The following GAS2 variants were observed in gnomAD, a reference collection of about 807,000 sequenced individuals.
GAS2 encodes growth arrest specific 2, also known as growth arrest-specific protein 2.
A neutral mutation model predicts 37.5 loss-of-function variants in GAS2; 20 were observed. That is an observed-to-expected ratio of 0.53 (90% CI 0.37 to 0.77). The LOEUF is 0.77. Ranked by LOEUF, GAS2 falls within the 30% of genes least tolerant of loss-of-function variation. GAS2 has a pLI of 0.00. For synonymous variants in GAS2, 144 were observed against 132.2 expected, an observed-to-expected ratio of 1.09 and a Z score of -0.61; for missense variants, 336 against 373.4, an observed-to-expected ratio of 0.90 and a Z score of 0.82.
At chr11:22,811,746 G>A in intron 7 of GAS2, 52 bp from the exon 8 acceptor site, 1 of 1,527,596 alleles carries the variant, frequency 6.5e-7, no homozygotes, top group Non-Finnish European at 9.1e-7. Context: ...GTTGATTCAA[G>A]GTACTGTAAG....
intron 7 of GAS2, among the ~76,000 whole-genome samples, chr11:22,760,891 C>T (rs1180266249): frequency 5.3e-5 from 8 of 152,132 alleles, no homozygotes; most frequent in African/African-American, 1.9e-4. Context: ...TGAAAGTTGT[C>T]AGGTTAATTA....
chr11:22,712,426 G>T (rs958776532), intron 3 of GAS2, among the ~76,000 whole-genome samples: 1 of 152,222 alleles, frequency 6.6e-6, no homozygotes, highest in East Asian at 1.9e-4. Flanking sequence ...TGCCCCACTG[G>T]GTGGCTAGAT....
chr11:22,752,670 G>A (rs1287504316), intron 6 of GAS2, among the ~76,000 whole-genome samples: 1 of 151,286 alleles, frequency 6.6e-6, no homozygotes, highest in Non-Finnish European at 1.5e-5. Context: ...AAAAGAGAAA[G>A]AGGAGGAGTA....
At position 22,749,143 on chromosome 11, in the gene GAS2, T is replaced by G; in HGVS notation, c.497T>G (p.Leu166Trp). Residue 166 changes from leucine (L) to tryptophan (W), a missense_variant, in exon 6 of 8, where the codon TTG (leucine) becomes TGG (tryptophan). Leu to Trp is a moderately conservative substitution (Grantham distance 61). Coordinates refer to ENST00000454584, the MANE Select transcript of GAS2 (RefSeq NM_001143830.3). ...AARYGVEPPG[L>W]IKLEKEIEQE... ...AGGTATGGTGTGGAGCCTCCTGGTT[T>G]GATAAAGCTGGAAAAAGAGATTGAA... is the stretch of plus-strand genomic sequence containing the variant. The G allele has an allele frequency of 6.2e-7, 1 of 1,612,494 alleles. No individual in the cohort carries two copies. The highest frequency in any genetic ancestry group is 2.2e-5 in the East Asian group (1 of 44,786).
chr11:22,748,256 C>G (rs903992662), intron 5 of GAS2, among the ~76,000 whole-genome samples: 2 of 152,016 alleles, frequency 1.3e-5, no homozygotes, highest in African/African-American at 2.4e-5. Context: ...TTCTCTAGAT[C>G]TCTATTATCT....
intron 3 of GAS2, among the ~76,000 whole-genome samples, chr11:22,717,498 T>C (rs1477238675): frequency 2.0e-5 from 3 of 150,952 alleles, no homozygotes; most frequent in African/African-American, 7.3e-5. Flanking sequence ...AAATCAACTC[T>C]AAGACGACCT....
At chr11:22,630,542 A>C (rs1463434822) in intron 1 of GAS2, among the ~76,000 whole-genome samples, 2 of 152,212 alleles carry the variant, frequency 1.3e-5, no homozygotes, top group East Asian at 3.8e-4. Flanking sequence ...AAATTTTTGC[A>C]GTCTACTCAT....
At chr11:22,806,715 G>T (rs951355141) in intron 7 of GAS2, among the ~76,000 whole-genome samples, 1 of 152,150 alleles carries the variant, frequency 6.6e-6, no homozygotes, top group Non-Finnish European at 1.5e-5. Flanking sequence ...AATTAGCAAG[G>T]TCTAACTGAG....
intron 1 of GAS2, among the ~76,000 whole-genome samples, chr11:22,641,003 C>G (rs1295432160): frequency 6.6e-6 from 1 of 151,560 alleles, no homozygotes; most frequent in Non-Finnish European, 1.5e-5. Flanking sequence ...CTGTTTCTTC[C>G]ATTTTTCCCC....
At chr11:22,710,232 T>C (rs1851337325) in intron 3 of GAS2, among the ~76,000 whole-genome samples, 1 of 152,134 alleles carries the variant, frequency 6.6e-6, no homozygotes, top group African/African-American at 2.4e-5. Context: ...TAAAATTGTT[T>C]AGTAATCTGT....
Position 22,644,731 on chromosome 11 carries a change from C to T in GAS2, c.-21+18918C>T, listed in dbSNP as rs972639761. 3.1e-4 allele frequency among the ~76,000 whole-genome samples: 47 copies of T among 152,162 alleles called. 1 individual carries two copies. The highest frequency in any genetic ancestry group is 2.1e-3 in the Admixed American group (32 of 15,272). On this transcript the variant is annotated intron_variant, in intron 1 of 5. Transcript: ENST00000528582. ...CCACCTCCCGGGTTCAAATGATTCTCATGCTTCATCCTGCCAAGTATCTGG... is the reference window on the plus strand; with the variant it reads ...CCACCTCCCGGGTTCAAATGATTCTTATGCTTCATCCTGCCAAGTATCTGG...
chr11:22,690,648 A>G (rs1426730513), intron 3 of GAS2, among the ~76,000 whole-genome samples: 1 of 152,196 alleles, frequency 6.6e-6, no homozygotes, highest in African/African-American at 2.4e-5. Context: ...TAAAGGCAAA[A>G]ATATAAATGA....
chr11:22,662,182 A>G (rs1848923708), upstream of GAS2, among the ~76,000 whole-genome samples: 1 of 152,206 alleles, frequency 6.6e-6, no homozygotes, highest in Non-Finnish European at 1.5e-5. Context: ...AAATGAACCT[A>G]GGTTTTTAAT....
chr11:22,647,522 A>G (rs1341699239), intron 1 of GAS2, among the ~76,000 whole-genome samples: 1 of 152,046 alleles, frequency 6.6e-6, no homozygotes, highest in East Asian at 1.9e-4. Context: ...TGGTTGAACT[A>G]GTTTACAGTC....
intron 7 of GAS2, among the ~76,000 whole-genome samples, chr11:22,780,955 T>A (rs1855529666): frequency 6.6e-6 from 1 of 152,172 alleles, no homozygotes. Context: ...TTCATAAATT[T>A]TAAAAAGATA....
Position 22,766,826 on chromosome 11 carries a change from G to T in GAS2, c.723+10873G>T, listed in dbSNP as rs553434699. Among the ~76,000 whole-genome samples, 7 of 152,170 alleles carry T rather than the reference G, an allele frequency of 4.6e-5. 1 individual carries two copies. The highest frequency in any genetic ancestry group is 1.7e-4 in the African/African-American group (7 of 41,514). On this transcript the variant is annotated intron_variant, in intron 7 of 7. Coordinates refer to ENST00000454584, the MANE Select transcript of GAS2 (RefSeq NM_001143830.3). ...TATAAACTTATATTTATGGCCTTTG[G>T]TCAGTTAAGATTAAATCCTCTTAAT...
chr11:22,783,252 G>A (rs1348767712), intron 7 of GAS2, among the ~76,000 whole-genome samples: 2 of 151,994 alleles, frequency 1.3e-5, no homozygotes, highest in South Asian at 2.1e-4. Flanking sequence ...TTTGAGAGGT[G>A]TCTATTCATG....
chr11:22,726,332 C>T lies in GAS2; in HGVS notation c.308C>T (p.Pro103Leu). Residue 103 changes from proline to leucine, a missense_variant, in exon 4 of 8, where the codon CCC becomes CTC. Pro to Leu is a moderately conservative substitution (Grantham distance 98, BLOSUM62 -3). Transcript: ENST00000454584. ...LKKIPCKTSAPSGSFFARDNT... is the reference protein window; with the variant it reads ...LKKIPCKTSALSGSFFARDNT... Reference sequence around the variant, plus strand: ...AAGATCCCATGCAAAACCAGTGCACCCTCGGGCTCCTTTTTTGCCAGAGAC... The same window carrying T: ...AAGATCCCATGCAAAACCAGTGCACTCTCGGGCTCCTTTTTTGCCAGAGAC... 6.2e-7 allele frequency: 1 copy of T among 1,612,164 alleles called. No homozygotes were observed. Among genetic ancestry groups the T allele is most frequent in the Non-Finnish European group, 8.5e-7 (1 of 1,179,228 alleles).
intron 1 of GAS2, chr11:22,668,321 A>T (rs371219925): frequency 1.3e-5 from 2 of 152,398 alleles, no homozygotes; most frequent in East Asian, 3.9e-4. Context: ...CTGGGTTTTG[A>T]CTGCCTAAGA....
Sources: allele counts gnomAD v4.1 joint callset (sites outside exome capture counted in the v4.1 genomes callset), GRCh38; gene constraint gnomAD v4.1.1; transcripts MANE v1.5; gene names NCBI Gene and HGNC (gene_info 2026-07-23, HGNC 2026-07-21).